Variants in PXDNL observed in about 807,000 individuals in gnomAD.
PXDNL encodes peroxidasin like.
PXDNL carries 145 observed loss-of-function variants against 150.8 expected under a neutral mutation model. The ratio of observed to expected loss-of-function variants is 0.96; its 90% CI spans 0.84 to 1.10. The LOEUF is 1.10. Among genes scored for constraint, PXDNL ranks in the 50% least tolerant of loss-of-function variants. The pLI is 0.00. For synonymous variants in PXDNL, 757 were observed against 725.7 expected, an observed-to-expected ratio of 1.04 and a Z score of -0.69; for missense variants, 2,087 against 1,873.9, an observed-to-expected ratio of 1.11 and a Z score of -2.10.
intron 1 of PXDNL, among the ~76,000 whole-genome samples, chr8:51,751,529 G>C (rs902584977): frequency 4.0e-4 from 61 of 152,288 alleles, no homozygotes; most frequent in African/African-American, 1.4e-3. Flanking sequence ...AATTACTTCA[G>C]ATATTAGATG....
At chr8:51,496,047 C>A (rs2130262746) in intron 5 of PXDNL, among the ~76,000 whole-genome samples, 2 of 152,298 alleles carry the variant, frequency 1.3e-5, no homozygotes, top group African/African-American at 4.8e-5. Flanking sequence ...TACTGGCAAA[C>A]CGAATCCAGC....
chr8:51,591,524 T>A (rs762929831), intron 3 of PXDNL, among the ~76,000 whole-genome samples: 10,526 of 152,242 alleles, frequency 0.069, 452 homozygotes, highest in South Asian at 0.1. Flanking sequence ...AAGATTGGAA[T>A]GGTGTCTTCT....
At chr8:51,571,055 C>G (rs1812926916) in intron 3 of PXDNL, among the ~76,000 whole-genome samples, 1 of 150,114 alleles carries the variant, frequency 6.7e-6, no homozygotes, top group African/African-American at 2.5e-5. Flanking sequence ...TAGAAAAAGA[C>G]AATTAAAAAT....
intron 1 of PXDNL, among the ~76,000 whole-genome samples, chr8:51,786,436 T>G (rs1006699024): frequency 1.3e-5 from 2 of 152,140 alleles, no homozygotes; most frequent in African/African-American, 4.8e-5. Context: ...CTTGAACTCC[T>G]GACCTCAAGT....
chr8:51,557,825 AAAG>A (rs1296148246), intron 3 of PXDNL, among the ~76,000 whole-genome samples: 9 of 152,152 alleles, frequency 5.9e-5, no homozygotes, highest in Non-Finnish European at 8.8e-5. Flanking sequence ...GCCTAAAAAT[AAAG>A]AAGGGACTGA....
At chr8:51,709,451 T>A (rs546894154) in intron 1 of PXDNL, among the ~76,000 whole-genome samples, 11 of 152,108 alleles carry the variant, frequency 7.2e-5, no homozygotes, top group Non-Finnish European at 1.5e-4. Flanking sequence ...AGACAGGGTT[T>A]CACCGTGTTC....
At position 51,487,408 on chromosome 8, in the gene PXDNL, A is replaced by G. The variant is rs141185439; in HGVS notation, c.453-3694T>C. ...TCATATTCAGCTCCTACTCCTTGAG[A>G]AAACTTCGTGAAATGGCCTCAGCTT... On this transcript the variant is annotated intron_variant, in intron 5 of 22. Transcript: ENST00000356297. Among the ~76,000 whole-genome samples the G allele has an allele frequency of 1.1e-3, 168 of 152,030 alleles. 1 individual carries two copies. The highest frequency in any genetic ancestry group is 3.7e-3 in the African/African-American group (155 of 41,454).
chr8:51,366,451 G>A (rs1408615453), intron 19 of PXDNL, among the ~76,000 whole-genome samples: 1 of 151,714 alleles, frequency 6.6e-6, no homozygotes. Context: ...GCCTGCTCTG[G>A]CTCAGGAGGC....
Position 51,408,403 on chromosome 8 carries a change from A to G in PXDNL, c.3221T>C (p.Ile1074Thr). Residue 1074 changes from isoleucine to threonine, a missense_variant, in exon 17 of 23, where the codon ATT becomes ACT. Coordinates refer to ENST00000356297, the MANE Select transcript of PXDNL (RefSeq NM_144651.5). ...LYRLNATLGE[I>T]SEGHLPFHKA... ...ATGGAACGGAAGGTGGCCTTCGGAA[A>G]TTTCACCTAAGGTGGCATTCAGTCG... 3.7e-6 allele frequency: 6 copies of G among 1,614,034 alleles called. No individual in the cohort carries two copies. The highest frequency in any genetic ancestry group is 4.2e-6 in the Non-Finnish European group (5 of 1,179,904).
chr8:51,356,198 T>C (rs1806502000), intron 19 of PXDNL, among the ~76,000 whole-genome samples: 1 of 152,150 alleles, frequency 6.6e-6, no homozygotes, highest in Admixed American at 6.5e-5. Context: ...GCTTCAAAAA[T>C]CTATAACTGG....
intron 1 of PXDNL, among the ~76,000 whole-genome samples, chr8:51,781,985 G>A (rs1291970329): frequency 6.6e-6 from 1 of 152,172 alleles, no homozygotes; most frequent in Non-Finnish European, 1.5e-5. Flanking sequence ...CTCACCACAT[G>A]TGTTCAAATG....
At chr8:51,401,963 G>T (rs1808260466) in intron 17 of PXDNL, among the ~76,000 whole-genome samples, 1 of 152,124 alleles carries the variant, frequency 6.6e-6, no homozygotes, top group Non-Finnish European at 1.5e-5. Context: ...ATTTAGCAGA[G>T]GAATGACAGC....
intron 1 of PXDNL, among the ~76,000 whole-genome samples, chr8:51,757,435 C>T (rs1297862447): frequency 2.0e-5 from 3 of 152,178 alleles, no homozygotes; most frequent in African/African-American, 7.2e-5. Flanking sequence ...TATCAGCTGG[C>T]CCAGCTGCCT....
At chr8:51,694,398 T>C (rs974447590) in intron 1 of PXDNL, among the ~76,000 whole-genome samples, 1 of 152,036 alleles carries the variant, frequency 6.6e-6, no homozygotes, top group Non-Finnish European at 1.5e-5. Context: ...CACTAATAAC[T>C]CTGTGACACA....
intron 12 of PXDNL, among the ~76,000 whole-genome samples, chr8:51,443,831 A>G (rs960748680): frequency 1.3e-5 from 2 of 152,208 alleles, no homozygotes; most frequent in African/African-American, 4.8e-5. Context: ...AAGATTTTTC[A>G]GATAACTGTA....
chr8:51,629,337 T>C (rs1384024304), intron 2 of PXDNL, among the ~76,000 whole-genome samples: 2 of 152,154 alleles, frequency 1.3e-5, no homozygotes, highest in African/African-American at 4.8e-5. Context: ...ATCAGCACTC[T>C]GGAAGATAGG....
chr8:51,654,466 A>G (rs1485953970), intron 2 of PXDNL, among the ~76,000 whole-genome samples: 1 of 152,048 alleles, frequency 6.6e-6, no homozygotes, highest in Non-Finnish European at 1.5e-5. Flanking sequence ...CTAAACCAAT[A>G]GAATACAAAT....
chr8:51,762,763 G>A (rs759668648), intron 1 of PXDNL, among the ~76,000 whole-genome samples: 2 of 152,118 alleles, frequency 1.3e-5, no homozygotes, highest in African/African-American at 4.8e-5. Context: ...AGGACCTCCC[G>A]AGGGCTGTGT....
At chr8:51,808,487 T>C (rs2037701673) in intron 1 of PXDNL, among the ~76,000 whole-genome samples, 1 of 152,194 alleles carries the variant, frequency 6.6e-6, no homozygotes, top group Non-Finnish European at 1.5e-5. Context: ...AATCTAAATG[T>C]TTGGGTTTAT....
Sources: gnomAD v4.1 joint callset for allele counts (sites outside exome capture counted in the v4.1 genomes callset) on GRCh38, gnomAD v4.1.1 for gene constraint, MANE v1.5 for transcripts, NCBI Gene and HGNC (gene_info 2026-07-23, HGNC 2026-07-21) for gene names.